PTN: variants seen among roughly 807,000 people sequenced by gnomAD.
PTN encodes the protein heparin affin regulatory protein.
Under a neutral mutation model 24.1 loss-of-function variants are expected in PTN, and 18 were observed. That is an observed-to-expected ratio of 0.75 (90% CI 0.52 to 1.11). The LOEUF (loss-of-function observed/expected upper bound fraction) is 1.11. PTN is among the 50% of genes least tolerant of loss of function. PTN has a pLI of 0.00. For synonymous variants in PTN, 78 were observed against 68.6 expected (o/e 1.14, Z -0.67); for missense variants, 163 against 198.8 (o/e 0.82, Z 1.08).
At chr7:137,315,073 C>T (rs933794078) in intron 1 of PTN, among the ~76,000 whole-genome samples, 2 of 152,110 alleles carry the variant, frequency 1.3e-5, no homozygotes, top group African/African-American at 2.4e-5. Flanking sequence ...AGGAGTCAGA[C>T]GCTCATAGAT....
intron 1 of PTN, among the ~76,000 whole-genome samples, chr7:137,274,969 C>T (rs988289362): frequency 1.3e-5 from 2 of 152,172 alleles, no homozygotes; most frequent in Non-Finnish European, 2.9e-5. Context: ...CTGTCAGTAT[C>T]CTCATCAATG....
intron 1 of PTN, among the ~76,000 whole-genome samples, chr7:137,265,951 A>G (rs188879696): frequency 1.1e-3 from 163 of 152,338 alleles, no homozygotes; most frequent in African/African-American, 3.5e-3. Context: ...TTTACATTTA[A>G]CAATGCTTTT....
intron 1 of PTN, among the ~76,000 whole-genome samples, chr7:137,333,717 A>C (rs1810398396): frequency 6.6e-6 from 1 of 152,212 alleles, no homozygotes; most frequent in Non-Finnish European, 1.5e-5. Flanking sequence ...GAACCAAAAA[A>C]GAGCCTGCAT....
At chr7:137,306,104 G>A (rs188702808) in intron 1 of PTN, among the ~76,000 whole-genome samples, 1 of 152,234 alleles carries the variant, frequency 6.6e-6, no homozygotes, top group African/African-American at 2.4e-5. Context: ...ATTAGGTCCT[G>A]GACATGTGAG....
chr7:137,293,940 G>T (rs778836559), intron 1 of PTN, among the ~76,000 whole-genome samples: 3 of 151,846 alleles, frequency 2.0e-5, no homozygotes. Flanking sequence ...CTTTTTAAAT[G>T]GAATTATTTA....
At chr7:137,267,297 C>T (rs1008798126) in intron 1 of PTN, among the ~76,000 whole-genome samples, 2 of 128,390 alleles carry the variant, frequency 1.6e-5, no homozygotes, top group African/African-American at 3.2e-5. Context: ...TGTGTCTTTT[C>T]CTCTCTCTTT....
At chr7:137,310,390 G>GTTTT (rs36009703) in intron 1 of PTN, among the ~76,000 whole-genome samples, 3 of 137,204 alleles carry the variant, frequency 2.2e-5, no homozygotes. Context: ...AAGTTACCAT[G>GTTTT]TTTTTTTTTT....
At chr7:137,229,190 T>C (rs1808387465) in intron 4 of PTN, among the ~76,000 whole-genome samples, 1 of 151,886 alleles carries the variant, frequency 6.6e-6, no homozygotes, top group South Asian at 2.1e-4. Flanking sequence ...CAATTAAGGT[T>C]AGCATTTATC....
chr7:137,231,580 G>A (rs190396748), intron 4 of PTN, among the ~76,000 whole-genome samples: 5 of 151,966 alleles, frequency 3.3e-5, no homozygotes, highest in Admixed American at 6.6e-5. Context: ...GACCCTATCT[G>A]TATGTTGCAA....
intron 1 of PTN, among the ~76,000 whole-genome samples, chr7:137,342,662 T>C (rs1416837946): frequency 2.0e-5 from 3 of 152,206 alleles, no homozygotes; most frequent in African/African-American, 7.2e-5. Flanking sequence ...AAAAATGTTT[T>C]CTTAACTTAT....
At chr7:137,268,970 G>A (rs543632507) in intron 1 of PTN, among the ~76,000 whole-genome samples, 3 of 152,150 alleles carry the variant, frequency 2.0e-5, no homozygotes, top group Admixed American at 6.5e-5. Context: ...GAAACTGTAG[G>A]TTACAAAGAT....
At chr7:137,331,461 T>G (rs1160433541) in intron 1 of PTN, among the ~76,000 whole-genome samples, 1 of 152,174 alleles carries the variant, frequency 6.6e-6, no homozygotes, top group Admixed American at 6.5e-5. Context: ...CTAAACGCAT[T>G]TGACTTTCAC....
At chr7:137,315,602 A>T (rs1204043542) in intron 1 of PTN, among the ~76,000 whole-genome samples, 1 of 152,080 alleles carries the variant, frequency 6.6e-6, no homozygotes, top group Non-Finnish European at 1.5e-5. Context: ...GAAAGGGGAG[A>T]TCTAGCCGGA....
At chr7:137,254,295 C>CA (rs202195331) in intron 2 of PTN, among the ~76,000 whole-genome samples, 1,562 of 98,674 alleles carry the variant, frequency 0.016, 19 homozygotes, top group African/African-American at 0.054. Flanking sequence ...GACTCCAACT[C>CA]AAAAAAAAAA....
intron 4 of PTN, among the ~76,000 whole-genome samples, chr7:137,248,442 T>C (rs1233776471): frequency 6.6e-6 from 1 of 152,118 alleles, no homozygotes; most frequent in African/African-American, 2.4e-5. Flanking sequence ...TCCCAGCACT[T>C]TGGGAGGCCA....
At chr7:137,252,874 T>C (rs1329160139) in intron 3 of PTN, among the ~76,000 whole-genome samples, 2 of 149,030 alleles carry the variant, frequency 1.3e-5, no homozygotes, top group Admixed American at 6.6e-5. Flanking sequence ...GGAGAAAGAT[T>C]TATGAAACGT....
At chr7:137,248,451 C>A (rs1302960446) in intron 4 of PTN, among the ~76,000 whole-genome samples, 2 of 152,064 alleles carry the variant, frequency 1.3e-5, no homozygotes, top group African/African-American at 4.8e-5. Context: ...TTTGGGAGGC[C>A]AAGGCGGGTG....
At chr7:137,329,242 A>G (rs1286314241) in intron 1 of PTN, among the ~76,000 whole-genome samples, 1 of 152,218 alleles carries the variant, frequency 6.6e-6, no homozygotes, top group Admixed American at 6.5e-5. Context: ...TGACAGTATT[A>G]TTAATGCTGG....
intron 4 of PTN, among the ~76,000 whole-genome samples, chr7:137,233,587 T>C (rs1018736734): frequency 2.1e-4 from 32 of 151,912 alleles, no homozygotes; most frequent in African/African-American, 7.7e-4. Flanking sequence ...TCTTTCAAAA[T>C]TGTAAAGTGC....
Sources: allele counts gnomAD v4.1 joint callset (sites outside exome capture counted in the v4.1 genomes callset), GRCh38; gene constraint gnomAD v4.1.1; transcripts MANE v1.5; gene names NCBI Gene and HGNC (gene_info 2026-07-23, HGNC 2026-07-21).